The following HIPK3 variants were observed in gnomAD, a reference collection of about 807,000 sequenced individuals.
HIPK3 encodes the protein homeodomain interacting protein kinase 3.
A neutral mutation model predicts 124.2 loss-of-function variants in HIPK3; 47 were observed. The observed-to-expected ratio is 0.38, with a 90% CI of 0.30 to 0.48. The LOEUF (loss-of-function observed/expected upper bound fraction) is 0.48, where lower values mean the gene tolerates loss of function less well. Among genes scored for constraint, HIPK3 ranks in the 20% least tolerant of loss-of-function variants. HIPK3 has a pLI of 0.98. For missense variants in HIPK3, 1,286 were observed against 1,454.3 expected (o/e 0.88, Z 1.88); for synonymous variants, 482 against 515.2 (o/e 0.94, Z 0.87).
intron 2 of HIPK3, among the ~76,000 whole-genome samples, chr11:33,308,398 ATTT>A (rs571068413): frequency 6.6e-6 from 1 of 152,140 alleles, no homozygotes; most frequent in Non-Finnish European, 1.5e-5. Context: ...CTGCAAAACT[ATTT>A]TAATTTCAAC....
At chr11:33,288,714 A>C (rs577231823) in intron 2 of HIPK3, among the ~76,000 whole-genome samples, 1 of 152,340 alleles carries the variant, frequency 6.6e-6, no homozygotes, top group East Asian at 1.9e-4. Flanking sequence ...AGAATACTGA[A>C]AACTCATTCT....
chr11:33,267,026 A>C (rs1016915023), intron 1 of HIPK3, among the ~76,000 whole-genome samples: 2 of 152,094 alleles, frequency 1.3e-5, no homozygotes, highest in South Asian at 4.1e-4. Flanking sequence ...CTTTCTAGCC[A>C]TATTTCCTTT....
intron 2 of HIPK3, among the ~76,000 whole-genome samples, chr11:33,313,603 AT>A (rs1270254338): frequency 2.0e-5 from 3 of 152,108 alleles, no homozygotes; most frequent in East Asian, 1.9e-4. Flanking sequence ...GAATTGTGCT[AT>A]TTTTTGCAAC....
chr11:33,260,134 T>G (rs1291074060), intron 1 of HIPK3, among the ~76,000 whole-genome samples: 1 of 152,246 alleles, frequency 6.6e-6, no homozygotes. Context: ...AGATACTTCT[T>G]CTTGTAAACA....
chr11:33,347,490 T>A, intron 9 of HIPK3, 76 bp downstream of exon 9: 1 of 1,594,474 alleles, frequency 6.3e-7, no homozygotes, highest in Non-Finnish European at 8.6e-7. Flanking sequence ...GGATAGGGAT[T>A]TAATCCATTT....
intron 8 of HIPK3, 93 bp from the exon 9 acceptor site, chr11:33,347,200 A>AG (rs1265149924): frequency 1.1e-5 from 14 of 1,259,302 alleles, no homozygotes; most frequent in Non-Finnish European, 1.3e-5. Context: ...AAAATCTGTC[A>AG]GAATCTAAGC....
chr11:33,353,343 T>C lies in HIPK3; in HGVS notation c.3423T>C (p.Cys1141=), dbSNP rs759695789. The stretch of plus-strand genomic sequence containing the variant: ...TGGCCCACCTGTTAGCCTCTCCGTG[T>C]ACCTCAAGACCTATGTTACAGCATC... ...APVAHLLASP[C]TSRPMLQHPT... The change falls in exon 17 of 17, where the codon TGT becomes TGC. Residue 1141 remains cysteine (C), a synonymous_variant. Coordinates refer to ENST00000303296, the MANE Select transcript of HIPK3 (RefSeq NM_005734.5). 6.6e-5 allele frequency: 107 copies of C among 1,614,156 alleles called. 3 individuals are homozygous for C. The South Asian group carries it at 1.0e-3, about 15-fold the overall frequency.
At chr11:33,311,309 C>G (rs1393995800) in intron 2 of HIPK3, among the ~76,000 whole-genome samples, 1 of 152,194 alleles carries the variant, frequency 6.6e-6, no homozygotes, top group African/African-American at 2.4e-5. Context: ...CCTCAGCCTT[C>G]TGAGTGGCTA....
Position 33,272,179 on chromosome 11 carries a change from C to T in HIPK3, c.-2-14234C>T, listed in dbSNP as rs570325100. On this transcript the variant is annotated intron_variant, in intron 1 of 16. Transcript: ENST00000303296. ...TTGGGAGGCCGAGGCAGGTGGATCA[C>T]TTGAGATCAGGAGTTAGAGACCAGC... Among the ~76,000 whole-genome samples the T allele has an allele frequency of 3.3e-5, 5 of 152,248 alleles. No individual in the cohort carries two copies. In the South Asian group the frequency reaches 1.0e-3, roughly 32 times the overall value.
At chr11:33,305,928 C>T (rs890822329) in intron 2 of HIPK3, among the ~76,000 whole-genome samples, 7 of 151,982 alleles carry the variant, frequency 4.6e-5, no homozygotes, top group Admixed American at 4.6e-4. Flanking sequence ...CTCACTGCAG[C>T]TATATGTTGC....
At position 33,347,928 on chromosome 11, in the gene HIPK3, GC is replaced by G; in HGVS notation, c.2225del (p.Pro742LeufsTer32). On this transcript the variant is annotated frameshift_variant, in exon 11 of 17. Coordinates refer to ENST00000303296, the MANE Select transcript of HIPK3 (RefSeq NM_005734.5). LOFTEE classifies it high-confidence loss of function. The stretch of plus-strand genomic sequence containing the variant: ...TCTGACCAATCAGATAACTTTATCT[GC>G]CCCTCAGCCAGTTAGTGTGGGGATT... The part of the protein sequence containing the change: ...PLLTNQITLS[A>X]PQPVSVGIAH... 1 of 1,614,102 alleles carries G rather than the reference GC, an allele frequency of 6.2e-7. No homozygotes were observed. Among genetic ancestry groups the G allele is most frequent in the Non-Finnish European group, 8.5e-7 (1 of 1,179,988 alleles).
chr11:33,301,082 A>G (rs1851985509), intron 2 of HIPK3, among the ~76,000 whole-genome samples: 6 of 152,134 alleles, frequency 3.9e-5, no homozygotes. Context: ...TCCAATTTTG[A>G]TACCTGAGAG....
chr11:33,266,278 C>G (rs1850962262), intron 1 of HIPK3, among the ~76,000 whole-genome samples: 1 of 149,492 alleles, frequency 6.7e-6, no homozygotes, highest in Non-Finnish European at 1.5e-5. Context: ...AAATGATTAA[C>G]AATAGCACAT....
At chr11:33,257,266 A>G (rs1850688348), upstream of HIPK3, 1 of 982,494 alleles carries the variant, frequency 1.0e-6, no homozygotes, top group East Asian at 1.1e-4. Flanking sequence ...CCGCGGCCGG[A>G]GCGGAGCGGA....
At chr11:33,350,511 TAAAAAA>T (rs530470962) in intron 14 of HIPK3, among the ~76,000 whole-genome samples, 38 of 132,312 alleles carry the variant, frequency 2.9e-4, no homozygotes, top group African/African-American at 1.0e-3. Flanking sequence ...TACCAAAAAT[TAAAAAA>T]AAAAAAAAAA....
intron 1 of HIPK3, among the ~76,000 whole-genome samples, chr11:33,274,142 T>C (rs982592260): frequency 1.1e-4 from 16 of 152,208 alleles, no homozygotes; most frequent in African/African-American, 3.9e-4. Flanking sequence ...AAAAATCTTA[T>C]TTGTTGGCAG....
At chr11:33,314,666 A>C (rs1852445162) in intron 2 of HIPK3, among the ~76,000 whole-genome samples, 1 of 152,180 alleles carries the variant, frequency 6.6e-6, no homozygotes, top group South Asian at 2.1e-4. Flanking sequence ...ACACACACAC[A>C]CACAAAAACG....
At chr11:33,266,710 T>C (rs1191368216) in intron 1 of HIPK3, among the ~76,000 whole-genome samples, 2 of 152,090 alleles carry the variant, frequency 1.3e-5, no homozygotes, top group Non-Finnish European at 2.9e-5. Context: ...AGACCTTATC[T>C]CAAAAACAAA....
intron 2 of HIPK3, among the ~76,000 whole-genome samples, chr11:33,308,965 T>TA (rs546247358): frequency 3.3e-5 from 5 of 151,832 alleles, no homozygotes; most frequent in South Asian, 2.1e-4. Context: ...TGTAAAACAT[T>TA]AAAAAAATAG....
Sources: allele counts gnomAD v4.1 joint callset (sites outside exome capture counted in the v4.1 genomes callset), GRCh38; gene constraint gnomAD v4.1.1; transcripts MANE v1.5; gene names NCBI Gene and HGNC (gene_info 2026-07-23, HGNC 2026-07-21).